SORCS1: variants seen among roughly 807,000 people sequenced by gnomAD.
SORCS1 encodes sortilin related VPS10 domain containing receptor 1.
In SORCS1, 60 loss-of-function variants were observed where a neutral mutation model predicts 146.1. That is an observed-to-expected ratio of 0.41 (90% CI 0.33 to 0.51). SORCS1 has a LOEUF of 0.51. Among genes scored for constraint, SORCS1 ranks in the 20% least tolerant of loss-of-function variants. The pLI is 0.21. For missense variants in SORCS1, 1,352 were observed against 1,487.6 expected (o/e 0.91, Z 1.50); for synonymous variants, 637 against 584.0 (o/e 1.09, Z -1.31).
intron 24 of SORCS1, among the ~76,000 whole-genome samples, chr10:106,588,150 T>G (rs540272744): frequency 2.0e-5 from 3 of 152,354 alleles, no homozygotes; most frequent in African/African-American, 7.2e-5. Flanking sequence ...CAGTTCACAC[T>G]TTAATCATGT....
chr10:106,637,010 T>A (rs1257169717), intron 18 of SORCS1, among the ~76,000 whole-genome samples: 1 of 152,232 alleles, frequency 6.6e-6, no homozygotes, highest in Admixed American at 6.5e-5. Flanking sequence ...GATCCCAGTG[T>A]AATATGCCAG....
intron 8 of SORCS1, among the ~76,000 whole-genome samples, chr10:106,701,399 G>C (rs907152693): frequency 6.6e-6 from 1 of 152,186 alleles, no homozygotes; most frequent in African/African-American, 2.4e-5. Flanking sequence ...CAACTGAATA[G>C]GTGATGGGCA....
chr10:107,033,608 T>C (rs1958765251), intron 1 of SORCS1, among the ~76,000 whole-genome samples: 1 of 152,242 alleles, frequency 6.6e-6, no homozygotes, highest in African/African-American at 2.4e-5. Flanking sequence ...TTACTCCAAT[T>C]AAATTAGCAA....
chr10:107,063,453 G>A (rs897113553), intron 1 of SORCS1, among the ~76,000 whole-genome samples: 1 of 152,086 alleles, frequency 6.6e-6, no homozygotes, highest in African/African-American at 2.4e-5. Flanking sequence ...TTTAAAAGCT[G>A]GTAGCTTTTC....
chr10:106,723,821 G>A (rs1342293685), intron 6 of SORCS1, among the ~76,000 whole-genome samples: 1 of 151,976 alleles, frequency 6.6e-6, no homozygotes, highest in Non-Finnish European at 1.5e-5. Context: ...CTGTGCCATG[G>A]ACCCCATCAG....
intron 24 of SORCS1, among the ~76,000 whole-genome samples, chr10:106,586,615 A>G (rs1309698069): frequency 6.6e-6 from 1 of 151,926 alleles, no homozygotes; most frequent in African/African-American, 2.4e-5. Flanking sequence ...AGCCCCTTTT[A>G]CGGTCCCCCG....
rs116701417 is a variant in SORCS1 at position 106,626,054 on chromosome 10, C to T, written c.2662+3148G>A. On this transcript the variant is annotated intron_variant, in intron 19 of 25. Coordinates refer to ENST00000263054, the MANE Select transcript of SORCS1 (RefSeq NM_052918.5). The stretch of plus-strand genomic sequence containing the variant: ...TCCCAGAAACACTATGCAGGAACAT[C>T]GGCTCCATTTGTTTCAGATGACCTT... Among the ~76,000 whole-genome samples, 770 of 152,248 alleles carry T rather than the reference C, an allele frequency of 5.1e-3. 6 individuals carry two copies. The highest frequency in any genetic ancestry group is 0.018 in the African/African-American group (738 of 41,554).
chr10:106,804,131 A>G (rs1199087724), intron 3 of SORCS1, among the ~76,000 whole-genome samples: 1 of 152,160 alleles, frequency 6.6e-6, no homozygotes, highest in Non-Finnish European at 1.5e-5. Flanking sequence ...AAAAGTACTC[A>G]TAATTATTGT....
chr10:107,113,505 C>T (rs1187611735), intron 1 of SORCS1, among the ~76,000 whole-genome samples: 1 of 151,854 alleles, frequency 6.6e-6, no homozygotes, highest in Non-Finnish European at 1.5e-5. Flanking sequence ...TCCTGGCCAA[C>T]ATGGTGAAAT....
At position 106,657,895 on chromosome 10, in the gene SORCS1, G is replaced by A. The variant is rs76646889; in HGVS notation, c.2304-5342C>T. On this transcript the variant is annotated intron_variant, in intron 17 of 25. Transcript: ENST00000263054. ...TAAAGTTCTTGGGAAGATTAAATGA[G>A]ACAATGCATTGAAAAGGGCTTAGCA... is the stretch of plus-strand genomic sequence containing the variant. Among the ~76,000 whole-genome samples, 1,385 of 151,844 alleles carry A rather than the reference G, an allele frequency of 9.1e-3. 26 individuals are homozygous for A. The highest frequency in any genetic ancestry group is 0.031 in the African/African-American group (1,284 of 41,390).
intron 1 of SORCS1, among the ~76,000 whole-genome samples, chr10:106,988,491 A>G (rs967000): frequency 0.33 from 49,494 of 152,020 alleles, 8,394 homozygotes; most frequent in Middle Eastern, 0.41. Context: ...TCCTTCTGGA[A>G]AGAATCCCTT....
intron 1 of SORCS1, among the ~76,000 whole-genome samples, chr10:107,048,266 G>A (rs1413416495): frequency 2.0e-5 from 3 of 152,184 alleles, no homozygotes; most frequent in Non-Finnish European, 4.4e-5. Context: ...TACAGAGAGT[G>A]AGCTTTAGTA....
At chr10:107,018,677 ATT>A (rs1436956182) in intron 1 of SORCS1, among the ~76,000 whole-genome samples, 1 of 151,964 alleles carries the variant, frequency 6.6e-6, no homozygotes, top group Admixed American at 6.6e-5. Context: ...AAGGAAAAAA[ATT>A]AAAAAAAAAA....
intron 22 of SORCS1, among the ~76,000 whole-genome samples, chr10:106,610,640 G>A (rs1200449705): frequency 2.0e-5 from 3 of 152,150 alleles, no homozygotes; most frequent in Non-Finnish European, 4.4e-5. Context: ...AAGCAGGAAA[G>A]AATGTTCAGC....
intron 18 of SORCS1, among the ~76,000 whole-genome samples, chr10:106,642,562 C>T (rs1849143225): frequency 6.6e-6 from 1 of 152,010 alleles, no homozygotes; most frequent in Admixed American, 6.6e-5. Flanking sequence ...ATAAAGACAC[C>T]ATGTATTGCT....
At position 106,671,145 on chromosome 10, in the gene SORCS1, T is replaced by C. The variant is rs1293320326; in HGVS notation, c.2189+92A>G. 3.2e-6 allele frequency: 5 copies of C among 1,552,888 alleles called. No individual in the cohort carries two copies. The African/African-American group carries it at 4.1e-5, about 13-fold the overall frequency. ...ATGAAGCTGGCCACTTAGCCCTATG[T>C]ATGTTACTATTATTTCAATTCTAAG... On this transcript the variant is annotated intron_variant, in intron 16 of 25. Coordinates refer to ENST00000263054, the MANE Select transcript of SORCS1 (RefSeq NM_052918.5).
At chr10:106,825,335 G>T (rs546965801) in intron 3 of SORCS1, among the ~76,000 whole-genome samples, 28 of 147,232 alleles carry the variant, frequency 1.9e-4, no homozygotes, top group African/African-American at 6.3e-4. Context: ...GCAGTGGCGC[G>T]ATCTCAGCTC....
chr10:106,732,866 A>T lies in SORCS1; in HGVS notation c.960-2752T>A, dbSNP rs559820364. Among the ~76,000 whole-genome samples, 18 of 152,264 alleles carry T rather than the reference A, an allele frequency of 1.2e-4. No homozygotes were observed. The South Asian group carries it at 3.5e-3, about 30-fold the overall frequency. ...CCAGGTGCAGTGGCTCACGCCTGTAATCCCAGCACTGTGGGAGGCTAAGGC... is the reference window on the plus strand; with the variant it reads ...CCAGGTGCAGTGGCTCACGCCTGTATTCCCAGCACTGTGGGAGGCTAAGGC... On this transcript the variant is annotated intron_variant, in intron 5 of 25. Coordinates refer to ENST00000263054, the MANE Select transcript of SORCS1 (RefSeq NM_052918.5).
At chr10:106,999,142 G>GA (rs1186570523) in intron 1 of SORCS1, among the ~76,000 whole-genome samples, 2 of 151,920 alleles carry the variant, frequency 1.3e-5, no homozygotes, top group South Asian at 2.1e-4. Context: ...AGGTTTAATG[G>GA]AAAAAAACAG....
Sources: gnomAD v4.1 joint callset for allele counts (sites outside exome capture counted in the v4.1 genomes callset) on GRCh38, gnomAD v4.1.1 for gene constraint, MANE v1.5 for transcripts, NCBI Gene and HGNC (gene_info 2026-07-23, HGNC 2026-07-21) for gene names.